Variants in SIPA1L2 observed in about 807,000 individuals in gnomAD.
SIPA1L2 encodes signal induced proliferation associated 1 like 2, also known as signal-induced proliferation-associated 1-like protein 2.
In SIPA1L2, 56 loss-of-function variants were observed where a neutral mutation model predicts 163.9. That is an observed-to-expected ratio of 0.34 (90% CI 0.28 to 0.43). The LOEUF (loss-of-function observed/expected upper bound fraction) is 0.43. SIPA1L2 is among the 20% of genes least tolerant of loss of function. SIPA1L2 has a pLI of 1.00. For missense variants in SIPA1L2, 1,974 were observed against 2,193.5 expected (o/e 0.90, Z 2.00); for synonymous variants, 877 against 865.7 (o/e 1.01, Z -0.23).
intron 1 of SIPA1L2, among the ~76,000 whole-genome samples, chr1:232,576,042 T>C (rs1005581652): frequency 3.9e-5 from 6 of 152,114 alleles, no homozygotes; most frequent in Non-Finnish European, 5.9e-5. Context: ...TGGGGTTAAA[T>C]AGATACAGAG....
At chr1:232,581,899 A>C (rs1255497080) in intron 1 of SIPA1L2, among the ~76,000 whole-genome samples, 1 of 152,198 alleles carries the variant, frequency 6.6e-6, no homozygotes, top group African/African-American at 2.4e-5. Flanking sequence ...AAAACTGTTA[A>C]AGAAAAACTT....
chr1:232,553,672 C>T (rs1218395521), intron 2 of SIPA1L2, among the ~76,000 whole-genome samples: 7 of 152,126 alleles, frequency 4.6e-5, no homozygotes, highest in African/African-American at 1.4e-4. Flanking sequence ...TATACTCTTA[C>T]CCCTGAGCGT....
At chr1:232,563,955 T>TTTTTTTGTGTGTGTGTGTG (rs1558270699) in intron 2 of SIPA1L2, among the ~76,000 whole-genome samples, 1 of 116,700 alleles carries the variant, frequency 8.6e-6, no homozygotes, top group African/African-American at 4.0e-5. Flanking sequence ...TTTTTTTTTT[T>TTTTTTTGTGTGTGTGTGTG]CGTGTGTGTG....
Position 232,609,277 on chromosome 1 carries a change from G to C in SIPA1L2, c.-319+20592C>G, listed in dbSNP as rs553536000. Among the ~76,000 whole-genome samples, 3 of 152,158 alleles carry C rather than the reference G, an allele frequency of 2.0e-5. No homozygotes were observed. In the East Asian group the frequency reaches 5.8e-4, roughly 29 times the overall value. On this transcript the variant is annotated intron_variant, in intron 1 of 22. Transcript: ENST00000674635. The stretch of plus-strand genomic sequence containing the variant: ...TTAACTATTACTTAATAAAATAAAC[G>C]GTTGGACCTAATCACCAATGACAGA...
intron 2 of SIPA1L2, among the ~76,000 whole-genome samples, chr1:232,559,123 C>A (rs957886685): frequency 6.6e-6 from 1 of 152,180 alleles, no homozygotes; most frequent in Admixed American, 6.5e-5. Flanking sequence ...CAACCCCAGA[C>A]ATCAGCACTC....
intron 8 of SIPA1L2, among the ~76,000 whole-genome samples, chr1:232,470,792 A>T (rs570702022): frequency 6.6e-6 from 1 of 152,218 alleles, no homozygotes; most frequent in East Asian, 1.9e-4. Context: ...AGCTGGTTTC[A>T]AACTCTGGTC....
intron 2 of SIPA1L2, among the ~76,000 whole-genome samples, chr1:232,530,122 CTT>C (rs869070747): frequency 2.1e-5 from 3 of 145,436 alleles, no homozygotes; most frequent in African/African-American, 2.5e-5. Context: ...ACCATTTATT[CTT>C]TTTTTTTTTT....
At chr1:232,455,702 G>C in intron 10 of SIPA1L2, among the ~76,000 whole-genome samples, 1 of 122,232 alleles carries the variant, frequency 8.2e-6, no homozygotes, top group South Asian at 2.7e-4. Context: ...GCAACAGAGC[G>C]AGACTCTGTC....
intron 5 of SIPA1L2, among the ~76,000 whole-genome samples, chr1:232,487,677 T>C (rs1665714314): frequency 6.6e-6 from 1 of 152,110 alleles, no homozygotes. Context: ...ATTATGTAGA[T>C]AAAGTAGCAA....
chr1:232,509,565 A>C lies in SIPA1L2; in HGVS notation c.1483+4292T>G, dbSNP rs569699357. ...GCCCAGGCCCTCTGTTTTTAAATAC[A>C]ATGAAGCTCACCCAACTCATGATGT... On this transcript the variant is annotated intron_variant, in intron 3 of 22. Transcript: ENST00000674635. Among the ~76,000 whole-genome samples, 89 of 152,326 alleles carry C rather than the reference A, an allele frequency of 5.8e-4. 1 individual carries two copies. The South Asian group carries it at 0.014, about 24-fold the overall frequency.
chr1:232,571,157 A>G (rs1294394914), intron 2 of SIPA1L2, among the ~76,000 whole-genome samples: 6 of 152,218 alleles, frequency 3.9e-5, no homozygotes, highest in Non-Finnish European at 7.3e-5. Flanking sequence ...GTAAAACTCC[A>G]AAAGATAAAT....
At chr1:232,603,037 C>G (rs73099510) in intron 1 of SIPA1L2, among the ~76,000 whole-genome samples, 4 of 152,192 alleles carry the variant, frequency 2.6e-5, no homozygotes, top group Non-Finnish European at 5.9e-5. Flanking sequence ...AAGACAGATT[C>G]GAAGGCATTT....
chr1:232,487,993 G>A (rs975956614), intron 5 of SIPA1L2, among the ~76,000 whole-genome samples: 4 of 150,786 alleles, frequency 2.7e-5, no homozygotes, highest in African/African-American at 7.3e-5. Flanking sequence ...TCACTCTGTC[G>A]CCCAGGCTGG....
At chr1:232,572,768 T>C (rs61825451) in intron 2 of SIPA1L2, among the ~76,000 whole-genome samples, 28,551 of 81,814 alleles carry the variant, frequency 0.35, 4,167 homozygotes, top group African/African-American at 0.47. Flanking sequence ...TATATATATA[T>C]ATATATATAT....
intron 19 of SIPA1L2, among the ~76,000 whole-genome samples, chr1:232,411,759 A>G (rs1008940622): frequency 2.0e-5 from 3 of 152,178 alleles, no homozygotes; most frequent in Non-Finnish European, 4.4e-5. Flanking sequence ...CTCTGGGTGT[A>G]GTCCAGATTT....
At chr1:232,518,061 C>T (rs939247381) in intron 2 of SIPA1L2, among the ~76,000 whole-genome samples, 1 of 152,034 alleles carries the variant, frequency 6.6e-6, no homozygotes, top group Non-Finnish European at 1.5e-5. Context: ...AAAGATTTTA[C>T]AATATAAATA....
chr1:232,443,086 C>T (rs921821616), intron 12 of SIPA1L2, among the ~76,000 whole-genome samples: 1 of 152,204 alleles, frequency 6.6e-6, no homozygotes, highest in Non-Finnish European at 1.5e-5. Context: ...CATGCTCCCT[C>T]TTCTCTTCCC....
rs547529048 is a variant in SIPA1L2, at chr1:232,529,531, G to T, written c.-269-13923C>A. ...CAGGTAAAACACCCTTGAGGAGCAT[G>T]GGCTCAAGGGTGCCAGAATACAGCT... On this transcript the variant is annotated intron_variant, in intron 2 of 22. Coordinates refer to ENST00000674635, the MANE Select transcript of SIPA1L2 (RefSeq NM_020808.5). Among the ~76,000 whole-genome samples the T allele has an allele frequency of 9.2e-5, 14 of 152,282 alleles. No homozygotes were observed. The South Asian group carries it at 2.7e-3, about 29-fold the overall frequency.
chr1:232,569,512 C>T (rs1659594760), intron 2 of SIPA1L2, among the ~76,000 whole-genome samples: 1 of 152,104 alleles, frequency 6.6e-6, no homozygotes, highest in Non-Finnish European at 1.5e-5. Flanking sequence ...AGTCTGAGAA[C>T]ATTTTAAAAA....
Sources: allele counts gnomAD v4.1 joint callset (sites outside exome capture counted in the v4.1 genomes callset), GRCh38; gene constraint gnomAD v4.1.1; transcripts MANE v1.5; gene names NCBI Gene and HGNC (gene_info 2026-07-23, HGNC 2026-07-21).